ZNF143: variants seen among roughly 807,000 people sequenced by gnomAD.
ZNF143 encodes SPH-binding factor.
A neutral mutation model predicts 74.1 loss-of-function variants in ZNF143; 49 were observed. The observed-to-expected ratio is 0.66, with a 90% CI of 0.53 to 0.84. ZNF143 has a LOEUF of 0.84. Among genes scored for constraint, ZNF143 ranks in the 40% least tolerant of loss-of-function variants. The probability of loss-of-function intolerance (pLI) is 0.00; values close to 1 mark genes in which losing one functional copy is unlikely to be tolerated. For missense variants in ZNF143, 637 were observed against 793.4 expected (o/e 0.80, Z 2.37); for synonymous variants, 304 against 282.8 (o/e 1.07, Z -0.75).
intron 7 of ZNF143, among the ~76,000 whole-genome samples, chr11:9,480,885 CAAA>C (rs34087710): frequency 1.9e-5 from 2 of 105,042 alleles, no homozygotes; most frequent in Non-Finnish European, 2.1e-5. Flanking sequence ...GAAACTGTCT[CAAA>C]AAAAAAAAAA....
At chr11:9,518,478 C>T (rs1848797159) in intron 14 of ZNF143, among the ~76,000 whole-genome samples, 1 of 152,086 alleles carries the variant, frequency 6.6e-6, no homozygotes, top group Non-Finnish European at 1.5e-5. Context: ...TTTGGGAGGC[C>T]GAGGTGGGTG....
At chr11:9,467,603 T>G (rs1856316490) in intron 1 of ZNF143, among the ~76,000 whole-genome samples, 2 of 152,064 alleles carry the variant, frequency 1.3e-5, no homozygotes, top group African/African-American at 4.8e-5. Context: ...ATCCCAGCAC[T>G]TTGGGAAGCT....
intron 14 of ZNF143, among the ~76,000 whole-genome samples, chr11:9,516,627 G>T (rs1005362663): frequency 6.6e-6 from 1 of 152,156 alleles, no homozygotes; most frequent in African/African-American, 2.4e-5. Flanking sequence ...TAAGTGTTCA[G>T]TAGTGGTAGC....
At chr11:9,486,501 C>T (rs1847557049) in intron 7 of ZNF143, among the ~76,000 whole-genome samples, 1 of 111,918 alleles carries the variant, frequency 8.9e-6, no homozygotes, top group South Asian at 2.6e-4. Flanking sequence ...GGAATCCTGT[C>T]AGGGACTAGC....
intron 1 of ZNF143, among the ~76,000 whole-genome samples, chr11:9,462,823 C>T (rs1343204986): frequency 6.6e-6 from 1 of 152,076 alleles, no homozygotes; most frequent in Non-Finnish European, 1.5e-5. Flanking sequence ...TGCAGTGAGC[C>T]GAGATTGCAC....
intron 7 of ZNF143, among the ~76,000 whole-genome samples, chr11:9,482,309 C>T (rs564913523): frequency 1.4e-5 from 2 of 144,298 alleles, no homozygotes; most frequent in South Asian, 2.2e-4. Context: ...CTCGCTCTGT[C>T]GCCCAGGCTG....
At chr11:9,521,162 G>C (rs1848911853) in intron 14 of ZNF143, among the ~76,000 whole-genome samples, 1 of 152,102 alleles carries the variant, frequency 6.6e-6, no homozygotes, top group Non-Finnish European at 1.5e-5. Context: ...ATCACCCAGA[G>C]TCCATCATTT....
At chr11:9,479,246 C>G (rs918658758) in intron 6 of ZNF143, among the ~76,000 whole-genome samples, 13 of 151,970 alleles carry the variant, frequency 8.6e-5, no homozygotes, top group African/African-American at 3.1e-4. Context: ...CTCAGATGAT[C>G]CTCCTGCCTC....
chr11:9,472,287 C>T (rs1384332716), intron 2 of ZNF143, among the ~76,000 whole-genome samples: 1 of 149,020 alleles, frequency 6.7e-6, no homozygotes, highest in Non-Finnish European at 1.5e-5. Flanking sequence ...GAGTCTGGCT[C>T]TGTCGCCCAG....
chr11:9,502,546 C>T (rs965606752), intron 11 of ZNF143, among the ~76,000 whole-genome samples: 2 of 149,434 alleles, frequency 1.3e-5, no homozygotes, highest in South Asian at 4.3e-4. Context: ...GGAGGCAGAG[C>T]TTGCAGTGAG....
In ZNF143 at chr11:9,486,678, T is replaced by G. The variant is rs544538829; in HGVS notation, c.645+7132T>G. 1.5e-3 allele frequency among the ~76,000 whole-genome samples: 221 copies of G among 149,062 alleles called. 3 individuals carry two copies. The highest frequency in any genetic ancestry group is 2.2e-3 in the Non-Finnish European group (149 of 67,788). ...AGAACAATGTGTTTTGTTTTGTTTT[T>G]TTTTCCCTGAGACAGAGTCTCACTC... On this transcript the variant is annotated intron_variant, in intron 7 of 15. Coordinates refer to ENST00000396602, the MANE Select transcript of ZNF143 (RefSeq NM_003442.6).
At chr11:9,522,524 G>A (rs1335851276) in intron 14 of ZNF143, among the ~76,000 whole-genome samples, 4 of 151,980 alleles carry the variant, frequency 2.6e-5, no homozygotes, top group African/African-American at 7.2e-5. Context: ...GACAGTTTTC[G>A]CTTTTGTTGC....
chr11:9,471,198 A>G (rs1450706868), intron 1 of ZNF143, 104 bp from the exon 2 acceptor site: 1 of 915,514 alleles, frequency 1.1e-6, no homozygotes, highest in East Asian at 2.6e-5. Context: ...TATTTCCAAC[A>G]CCATTACATC....
chr11:9,496,188 A>T (rs1173131227), intron 8 of ZNF143, 115 bp from the exon 9 acceptor site: 1 of 852,640 alleles, frequency 1.2e-6, no homozygotes, highest in Non-Finnish European at 1.9e-6. Flanking sequence ...TTTTTATAAG[A>T]AAAAAGCATA....
Position 9,470,036 on chromosome 11 carries a change from C to G in ZNF143, c.-7-1266C>G, listed in dbSNP as rs1312165193. ...GCTCTTTTAAATATTGATGCTAAGT[C>G]AGATCTTTGGACCTGGAAAGGTCCT... On this transcript the variant is annotated intron_variant, in intron 1 of 15. Coordinates refer to ENST00000396602, the MANE Select transcript of ZNF143 (RefSeq NM_003442.6). Among the ~76,000 whole-genome samples, 3 of 152,190 alleles carry G rather than the reference C, an allele frequency of 2.0e-5. No individual in the cohort carries two copies. The East Asian group carries it at 5.8e-4, about 29-fold the overall frequency.
chr11:9,468,541 A>G (rs901551076), intron 1 of ZNF143, among the ~76,000 whole-genome samples: 3 of 152,248 alleles, frequency 2.0e-5, no homozygotes, highest in African/African-American at 7.2e-5. Flanking sequence ...TAGAATTGGC[A>G]GTATGAACTC....
chr11:9,509,533 C>A (rs558996372), intron 12 of ZNF143, among the ~76,000 whole-genome samples: 1 of 152,210 alleles, frequency 6.6e-6, no homozygotes, highest in East Asian at 1.9e-4. Context: ...AAACACAAAA[C>A]AAAGCAAGTT....
chr11:9,508,600 T>C lies in ZNF143; in HGVS notation c.1148-19T>C, dbSNP rs1372582358. On this transcript the variant is annotated intron_variant, in intron 11 of 15. Transcript: ENST00000396602. Reference sequence around the variant, plus strand: ...CTACATATGTAAAAGTTGAACTTTTTTTTGGTGTTGCTCTTTAGGAGAAAA... The same window carrying C: ...CTACATATGTAAAAGTTGAACTTTTCTTTGGTGTTGCTCTTTAGGAGAAAA... 1 of 1,601,046 alleles carries C rather than the reference T, an allele frequency of 6.2e-7. No individual in the cohort carries two copies.
chr11:9,494,789 T>A, intron 8 of ZNF143, 24 bp downstream of exon 8: 1 of 1,591,380 alleles, frequency 6.3e-7, no homozygotes, highest in Non-Finnish European at 8.6e-7. Flanking sequence ...AAATGTTCTA[T>A]CTAGTTATGA....
Sources: gnomAD v4.1 joint callset for allele counts (sites outside exome capture counted in the v4.1 genomes callset) on GRCh38, gnomAD v4.1.1 for gene constraint, MANE v1.5 for transcripts, NCBI Gene and HGNC (gene_info 2026-07-23, HGNC 2026-07-21) for gene names.